Variants in GALNTL6 observed in about 807,000 individuals in gnomAD.
The protein encoded by GALNTL6 is polypeptide N-acetylgalactosaminyltransferase-like 6.
GALNTL6 carries 46 observed loss-of-function variants against 73.7 expected under a neutral mutation model. The ratio of observed to expected loss-of-function variants is 0.62; its 90% confidence interval spans 0.49 to 0.80. The LOEUF (loss-of-function observed/expected upper bound fraction) is 0.80, where lower values mean the gene tolerates loss of function less well. GALNTL6 is among the 30% of genes least tolerant of loss of function. The pLI, the probability that GALNTL6 is intolerant of heterozygous loss-of-function variation, is 0.00. For synonymous variants in GALNTL6, 259 were observed against 263.7 expected (o/e 0.98, Z 0.17); for missense variants, 604 against 755.0 (o/e 0.80, Z 2.34).
At chr4:172,082,150 T>A (rs1399812798) in intron 2 of GALNTL6, among the ~76,000 whole-genome samples, 1 of 152,164 alleles carries the variant, frequency 6.6e-6, no homozygotes, top group African/African-American at 2.4e-5. Flanking sequence ...GTACTGAGAT[T>A]ACAGGCACTG....
At chr4:172,985,703 C>T (rs1751260651) in intron 10 of GALNTL6, among the ~76,000 whole-genome samples, 1 of 152,172 alleles carries the variant, frequency 6.6e-6, no homozygotes, top group African/African-American at 2.4e-5. Context: ...GAAGTCAAAG[C>T]TGTCCTTTTA....
chr4:172,452,312 TTA>T (rs912002863), intron 5 of GALNTL6, among the ~76,000 whole-genome samples: 17 of 151,906 alleles, frequency 1.1e-4, no homozygotes, highest in Non-Finnish European at 1.8e-4. Flanking sequence ...CACTATTTAT[TTA>T]TATATATAAA....
intron 5 of GALNTL6, among the ~76,000 whole-genome samples, chr4:172,729,234 T>C (rs560969686): frequency 6.6e-6 from 1 of 152,292 alleles, no homozygotes; most frequent in Non-Finnish European, 1.5e-5. Context: ...TTTAGCTTTA[T>C]GTAATCCCAT....
chr4:172,936,644 G>A (rs2610188), intron 9 of GALNTL6, among the ~76,000 whole-genome samples: 20,177 of 152,150 alleles, frequency 0.13, 1,548 homozygotes, highest in African/African-American at 0.2. Context: ...GAGCCAAATT[G>A]TGAGTGAACG....
intron 2 of GALNTL6, among the ~76,000 whole-genome samples, chr4:172,088,045 A>G (rs1031708308): frequency 4.6e-5 from 7 of 152,198 alleles, no homozygotes; most frequent in Non-Finnish European, 7.4e-5. Context: ...AGAACAAAGT[A>G]GTTACTGGTT....
At chr4:172,210,617 G>A (rs550815454) in intron 2 of GALNTL6, among the ~76,000 whole-genome samples, 1 of 152,072 alleles carries the variant, frequency 6.6e-6, no homozygotes, top group South Asian at 2.1e-4. Context: ...CATATCCAGG[G>A]TATATAATAT....
chr4:172,684,588 A>G (rs898699320), intron 5 of GALNTL6, among the ~76,000 whole-genome samples: 1 of 152,220 alleles, frequency 6.6e-6, no homozygotes, highest in African/African-American at 2.4e-5. Flanking sequence ...GTCATGGAAA[A>G]GGAAGAAGAA....
At chr4:172,564,134 T>A (rs1736478137) in intron 5 of GALNTL6, among the ~76,000 whole-genome samples, 1 of 152,246 alleles carries the variant, frequency 6.6e-6, no homozygotes, top group Non-Finnish European at 1.5e-5. Context: ...ATTACACTTT[T>A]ATTCTTTAAG....
intron 4 of GALNTL6, among the ~76,000 whole-genome samples, chr4:172,313,224 C>T (rs566537662): frequency 6.7e-6 from 1 of 148,962 alleles, no homozygotes; most frequent in East Asian, 2.0e-4. Context: ...CTCCTGGGTT[C>T]ACGCCATTCT....
intron 2 of GALNTL6, among the ~76,000 whole-genome samples, chr4:171,816,524 A>G (rs1230484899): frequency 6.6e-6 from 1 of 152,074 alleles, no homozygotes; most frequent in Admixed American, 6.6e-5. Context: ...TATACTGTAG[A>G]ATAAATAACT....
intron 8 of GALNTL6, among the ~76,000 whole-genome samples, chr4:172,899,071 C>A (rs1746484673): frequency 6.6e-6 from 1 of 152,136 alleles, no homozygotes; most frequent in Non-Finnish European, 1.5e-5. Context: ...GTTGTAAGCC[C>A]TTAAAAGGGA....
intron 2 of GALNTL6, among the ~76,000 whole-genome samples, chr4:171,913,985 G>A (rs1737544267): frequency 6.6e-6 from 1 of 151,850 alleles, no homozygotes. Flanking sequence ...TTTAACTAAA[G>A]CTACTGGAGT....
At chr4:171,870,161 AT>A (rs1474288718) in intron 2 of GALNTL6, among the ~76,000 whole-genome samples, 1 of 152,198 alleles carries the variant, frequency 6.6e-6, no homozygotes, top group Non-Finnish European at 1.5e-5. Flanking sequence ...AAATAGCTGC[AT>A]TACCACCTGG....
At chr4:172,362,025 G>A (rs1281795671) in intron 5 of GALNTL6, among the ~76,000 whole-genome samples, 1 of 152,102 alleles carries the variant, frequency 6.6e-6, no homozygotes, top group Admixed American at 6.6e-5. Context: ...CTAGATGAGA[G>A]TTAGTAATAT....
chr4:172,199,724 A>G (rs547389361), intron 2 of GALNTL6, among the ~76,000 whole-genome samples: 4 of 151,872 alleles, frequency 2.6e-5, no homozygotes, highest in African/African-American at 9.7e-5. Context: ...TAAATAGATC[A>G]TATTTACTTT....
chr4:171,867,493 T>C (rs1227124535), intron 2 of GALNTL6, among the ~76,000 whole-genome samples: 1 of 152,232 alleles, frequency 6.6e-6, no homozygotes, highest in African/African-American at 2.4e-5. Context: ...ACATTTTCCA[T>C]TCTGCTTACA....
intron 2 of GALNTL6, among the ~76,000 whole-genome samples, chr4:171,829,645 C>A (rs1734914499): frequency 6.6e-6 from 1 of 152,070 alleles, no homozygotes; most frequent in African/African-American, 2.4e-5. Flanking sequence ...TTCCTAATCT[C>A]CCATGTTTGC....
At chr4:172,502,073 T>C (rs962536533) in intron 5 of GALNTL6, among the ~76,000 whole-genome samples, 43 of 152,216 alleles carry the variant, frequency 2.8e-4, no homozygotes, top group Admixed American at 2.8e-3. Context: ...ACAAATATAA[T>C]GTACTGAACA....
At chr4:171,912,644 CT>C (rs1358709570) in intron 2 of GALNTL6, among the ~76,000 whole-genome samples, 2 of 152,036 alleles carry the variant, frequency 1.3e-5, no homozygotes, top group Non-Finnish European at 2.9e-5. Context: ...TGAATACTAG[CT>C]TAATCCTTCT....
Sources: gnomAD v4.1 joint callset for allele counts (sites outside exome capture counted in the v4.1 genomes callset) on GRCh38, gnomAD v4.1.1 for gene constraint, MANE v1.5 for transcripts, NCBI Gene and HGNC (gene_info 2026-07-23, HGNC 2026-07-21) for gene names.